SPATA6L: variants seen among roughly 807,000 people sequenced by gnomAD.
The protein encoded by SPATA6L is spermatogenesis associated 6-like protein.
Under a neutral mutation model 49.2 loss-of-function variants are expected in SPATA6L, and 68 were observed. That is an observed-to-expected ratio of 1.38 (90% confidence interval 1.14 to 1.69). The LOEUF is 1.69. SPATA6L is among the 40% of genes most tolerant of loss of function. The pLI is 0.00. For synonymous variants in SPATA6L, 198 were observed against 165.7 expected (o/e 1.19, Z -1.50); for missense variants, 668 against 464.3 (o/e 1.44, Z -4.03).
rs373053944 is a variant in SPATA6L at position 4,618,815 on chromosome 9, T to A, written c.807+49A>T. Reference sequence around the variant, plus strand: ...ATTGGAAAAAGCACAATAATTGACATAAGATATCTGGAAGTAAATCATTTT... The same window carrying A: ...ATTGGAAAAAGCACAATAATTGACAAAAGATATCTGGAAGTAAATCATTTT... On this transcript the variant is annotated intron_variant, in intron 8 of 11. Transcript: ENST00000682582. The A allele has an allele frequency of 1.4e-5, 22 of 1,537,094 alleles. No individual in the cohort carries two copies. In the African/African-American group the frequency reaches 2.9e-4, roughly 20 times the overall value.
intron 9 of SPATA6L, among the ~76,000 whole-genome samples, chr9:4,617,241 C>T (rs1442882274): frequency 6.6e-6 from 1 of 152,122 alleles, no homozygotes; most frequent in African/African-American, 2.4e-5. Flanking sequence ...TTGGCTTATC[C>T]TTCATTCAGA....
At chr9:4,607,755 G>A (rs1281686389) in intron 9 of SPATA6L, among the ~76,000 whole-genome samples, 1 of 152,066 alleles carries the variant, frequency 6.6e-6, no homozygotes, top group African/African-American at 2.4e-5. Flanking sequence ...AAAATAACCA[G>A]CTAACATCAT....
At chr9:4,661,164 C>G (rs984834123) in intron 2 of SPATA6L, among the ~76,000 whole-genome samples, 5 of 152,180 alleles carry the variant, frequency 3.3e-5, no homozygotes, top group African/African-American at 4.8e-5. Flanking sequence ...GTGACATGCT[C>G]TACTCTGTAG....
At position 4,617,933 on chromosome 9, in the gene SPATA6L, G is replaced by T; in HGVS notation, c.985C>A (p.Leu329Ile). The change falls in exon 9 of 12, where the codon CTC becomes ATC. Residue 329 changes from leucine to isoleucine, a missense_variant. Coordinates refer to ENST00000682582, the MANE Select transcript of SPATA6L (RefSeq NM_001353486.2). The stretch of plus-strand genomic sequence containing the variant: ...GTGCTTGCCACTGACCTTTCTCTGA[G>T]AAGGGGCTGATCCAAGGGGCCAGGA... Reference protein sequence around the residue: ...TSPGPLDQPLLRERFHPGSQS... With the variant: ...TSPGPLDQPLIRERFHPGSQS... 3.1e-6 allele frequency: 5 copies of T among 1,611,328 alleles called. No homozygotes were observed. The highest frequency in any genetic ancestry group is 4.2e-6 in the Non-Finnish European group (5 of 1,178,476).
rs777814321 is a variant in SPATA6L at position 4,645,046 on chromosome 9, T to C, written c.227-9647A>G. 1.3e-5 allele frequency among the ~76,000 whole-genome samples: 2 copies of C among 152,348 alleles called. 1 individual carries two copies. The highest frequency in any genetic ancestry group is 3.9e-4 in the East Asian group (2 of 5,190). On this transcript the variant is annotated intron_variant, in intron 3 of 11. Coordinates refer to ENST00000682582, the MANE Select transcript of SPATA6L (RefSeq NM_001353486.2). The stretch of plus-strand genomic sequence containing the variant: ...CTACTTAAACAAATGAGTATGGCTA[T>C]GTTCAAAAAAGACCTGTATTTATGA...
At position 4,598,602 on chromosome 9, in the gene SPATA6L, T is replaced by A. The variant is rs565470321; in HGVS notation, c.*2209A>T. Among the ~76,000 whole-genome samples, 1 of 152,342 alleles carries A rather than the reference T, an allele frequency of 6.6e-6. No homozygotes were observed. Among genetic ancestry groups the A allele is most frequent in the South Asian group, 2.1e-4 (1 of 4,828 alleles). On this transcript the variant is annotated 3_prime_UTR_variant, in exon 12 of 12. Transcript: ENST00000682582. ...ATAAGAATGGGCATTTAAGATCTTATTAAAGAGTTATGCTTAAACCATTTC... is the reference window on the plus strand; with the variant it reads ...ATAAGAATGGGCATTTAAGATCTTAATAAAGAGTTATGCTTAAACCATTTC...
At chr9:4,605,587 T>A (rs1486247783) in intron 9 of SPATA6L, 147 bp from the exon 10 acceptor site, 4 of 597,162 alleles carry the variant, frequency 6.7e-6, no homozygotes, top group Admixed American at 5.8e-5. Context: ...GATTTCAATG[T>A]CTTTCTTAAA....
intron 7 of SPATA6L, among the ~76,000 whole-genome samples, chr9:4,622,206 C>T (rs545932586): frequency 1.3e-5 from 2 of 152,310 alleles, no homozygotes; most frequent in East Asian, 1.9e-4. Flanking sequence ...CCTTCAACGG[C>T]GAGGGGAATG....
intron 4 of SPATA6L, chr9:4,633,728 G>T (rs959171955): frequency 1.3e-5 from 2 of 152,420 alleles, no homozygotes; most frequent in African/African-American, 2.4e-5. Flanking sequence ...AGTGCAGGTG[G>T]CCCTCTCTGT....
rs1835365003 is a variant in SPATA6L, at chr9:4,646,331, G to T, written c.226+9710C>A. The T allele has an allele frequency of 9.5e-6, 4 of 419,882 alleles. No individual in the cohort carries two copies. The Admixed American group carries it at 1.3e-4, about 14-fold the overall frequency. The allele number at this position is 419,882 out of a possible 1,614,324, so 26.0% of individuals were successfully genotyped here. ...GAAAATAGACAAAATTTAATAGATT[G>T]GCAGAAAAAAGGCATGTGTTATATA... On this transcript the variant is annotated intron_variant, in intron 3 of 11. Transcript: ENST00000682582.
intron 4 of SPATA6L, among the ~76,000 whole-genome samples, chr9:4,630,956 A>C (rs1831409240): frequency 6.6e-6 from 1 of 152,226 alleles, no homozygotes; most frequent in South Asian, 2.1e-4. Context: ...GAACCCAGAC[A>C]ATCTGATTCC....
intron 2 of SPATA6L, among the ~76,000 whole-genome samples, chr9:4,659,857 G>T (rs1027366932): frequency 6.6e-6 from 1 of 151,982 alleles, no homozygotes; most frequent in Non-Finnish European, 1.5e-5. Context: ...CAGAACAGAG[G>T]CCCTCAGAAA....
At chr9:4,654,347 C>T (rs1284315045) in intron 3 of SPATA6L, among the ~76,000 whole-genome samples, 1 of 152,222 alleles carries the variant, frequency 6.6e-6, no homozygotes, top group African/African-American at 2.4e-5. Flanking sequence ...CTTCAGTGCT[C>T]CGCTGCTCAA....
chr9:4,611,699 G>C (rs180762926), intron 9 of SPATA6L, among the ~76,000 whole-genome samples: 5,215 of 150,350 alleles, frequency 0.035, 326 homozygotes, highest in African/African-American at 0.12. Context: ...CCTAATGCTA[G>C]ATGACGAGTT....
rs76574544 is a variant in SPATA6L at position 4,646,775 on chromosome 9, G to A, written c.226+9266C>T. On this transcript the variant is annotated intron_variant, in intron 3 of 11. Transcript: ENST00000682582. The stretch of plus-strand genomic sequence containing the variant: ...GCCATAAAAAAGAACAAGCGTTCAT[G>A]TCTTTTGAAGGATCTGGAGGCCATT... Among the ~76,000 whole-genome samples, 1,413 of 152,238 alleles carry A rather than the reference G, an allele frequency of 9.3e-3. 14 individuals are homozygous for A. The highest frequency in any genetic ancestry group is 0.032 in the African/African-American group (1,328 of 41,534).
chr9:4,657,561 G>GA (rs113224151), intron 2 of SPATA6L, among the ~76,000 whole-genome samples: 16,039 of 151,558 alleles, frequency 0.11, 1,043 homozygotes, highest in African/African-American at 0.18. Flanking sequence ...AAAAAGAAAA[G>GA]AAAAAAAACT....
At chr9:4,666,092 C>T (rs1399952910) in intron 1 of SPATA6L, 120 bp downstream of exon 1, 1 of 912,146 alleles carries the variant, frequency 1.1e-6, no homozygotes, top group African/African-American at 1.6e-5. Context: ...GCGATCTGTC[C>T]CAGAAGATAA....
intron 3 of SPATA6L, among the ~76,000 whole-genome samples, chr9:4,647,938 G>A (rs1405011855): frequency 2.0e-5 from 3 of 151,826 alleles, no homozygotes; most frequent in East Asian, 1.9e-4. Context: ...AGGTTCAAGC[G>A]ATTCTCCTGC....
chr9:4,613,576 T>C (rs926495782), intron 9 of SPATA6L, among the ~76,000 whole-genome samples: 1 of 152,172 alleles, frequency 6.6e-6, no homozygotes, highest in African/African-American at 2.4e-5. Flanking sequence ...ATTATTTCTA[T>C]TCTTCTCTAA....
Sources: allele counts gnomAD v4.1 joint callset (sites outside exome capture counted in the v4.1 genomes callset), GRCh38; gene constraint gnomAD v4.1.1; transcripts MANE v1.5; gene names NCBI Gene and HGNC (gene_info 2026-07-23, HGNC 2026-07-21).